The following ARFGEF1 variants were observed in gnomAD, a reference collection of about 807,000 sequenced individuals.
ARFGEF1 encodes brefeldin A-inhibited guanine nucleotide-exchange protein 1.
ARFGEF1 carries 42 observed loss-of-function variants against 231.0 expected under a neutral mutation model. The observed-to-expected ratio is 0.18, with a 90% CI of 0.14 to 0.24. ARFGEF1 has a LOEUF of 0.24. Ranked by LOEUF, ARFGEF1 falls within the 10% of genes least tolerant of loss-of-function variation. The probability of loss-of-function intolerance (pLI) is 1.00; values close to 1 mark genes in which losing one functional copy is unlikely to be tolerated. For missense variants in ARFGEF1, 1,345 were observed against 2,192.0 expected (o/e 0.61, Z 7.72); for synonymous variants, 710 against 732.3 (o/e 0.97, Z 0.49).
chr8:67,204,918 T>TGA, intron 34 of ARFGEF1, 99 bp from the exon 35 acceptor site: 1 of 1,396,074 alleles, frequency 7.2e-7, no homozygotes. Flanking sequence ...CATCAATATG[T>TGA]ATTCACATAT....
intron 10 of ARFGEF1, among the ~76,000 whole-genome samples, chr8:67,271,465 A>G (rs993654354): frequency 2.6e-5 from 4 of 152,226 alleles, no homozygotes; most frequent in African/African-American, 7.2e-5. Flanking sequence ...TTCAACTAGT[A>G]TAAGTTCCTT....
chr8:67,246,127 T>C (rs1840099275), intron 19 of ARFGEF1, among the ~76,000 whole-genome samples: 1 of 150,116 alleles, frequency 6.7e-6, no homozygotes, highest in African/African-American at 2.5e-5. Flanking sequence ...GCAAATATTA[T>C]TAGAGCTAAA....
chr8:67,234,465 A>C (rs1839651100), intron 22 of ARFGEF1, among the ~76,000 whole-genome samples: 1 of 152,162 alleles, frequency 6.6e-6, no homozygotes, highest in Non-Finnish European at 1.5e-5. Context: ...TATGTAGAAA[A>C]GGAAGGAGAA....
intron 19 of ARFGEF1, among the ~76,000 whole-genome samples, chr8:67,248,403 C>T (rs1009589008): frequency 3.3e-5 from 5 of 150,148 alleles, no homozygotes; most frequent in Non-Finnish European, 5.9e-5. Context: ...ACAGTCTCTT[C>T]AATAAACAGT....
At chr8:67,266,393 G>A (rs1420696754) in intron 13 of ARFGEF1, among the ~76,000 whole-genome samples, 186 bp from the exon 14 acceptor site, 3 of 152,104 alleles carry the variant, frequency 2.0e-5, no homozygotes, top group African/African-American at 2.4e-5. Context: ...TAATTTGTAC[G>A]TGTATAGTCT....
chr8:67,292,650 T>C (rs1490348454), intron 5 of ARFGEF1, among the ~76,000 whole-genome samples: 2 of 152,156 alleles, frequency 1.3e-5, no homozygotes, highest in Non-Finnish European at 2.9e-5. Flanking sequence ...AGCCATCTAA[T>C]AATTATGAAA....
At chr8:67,272,565 T>G (rs892048574) in intron 9 of ARFGEF1, among the ~76,000 whole-genome samples, 7 of 152,208 alleles carry the variant, frequency 4.6e-5, no homozygotes, top group Non-Finnish European at 7.3e-5. Context: ...ATATGTTGTG[T>G]TCCTTTCTTT....
downstream of ARFGEF1, among the ~76,000 whole-genome samples, chr8:67,194,238 A>G (rs1837243381): frequency 6.6e-6 from 1 of 152,248 alleles, no homozygotes; most frequent in Non-Finnish European, 1.5e-5. Context: ...ATTGGTAATA[A>G]TAATAGTTTT....
At chr8:67,307,124 A>T (rs1299440117) in intron 1 of ARFGEF1, among the ~76,000 whole-genome samples, 1 of 152,230 alleles carries the variant, frequency 6.6e-6, no homozygotes, top group Non-Finnish European at 1.5e-5. Flanking sequence ...TACACATCCA[A>T]AGCATTGTCT....
intron 33 of ARFGEF1, among the ~76,000 whole-genome samples, chr8:67,213,370 A>G (rs1838817110): frequency 1.3e-5 from 2 of 152,192 alleles, no homozygotes; most frequent in Non-Finnish European, 2.9e-5. Context: ...ATTGTTAGGG[A>G]TAAGTGGGCA....
At chr8:67,226,997 T>A in intron 27 of ARFGEF1, 140 bp downstream of exon 27, 1 of 694,078 alleles carries the variant, frequency 1.4e-6, no homozygotes, top group Non-Finnish European at 2.2e-6. Context: ...ATTTAATTGT[T>A]TTTATTTACT....
At chr8:67,240,538 C>A (rs1839897603) in intron 19 of ARFGEF1, among the ~76,000 whole-genome samples, 1 of 152,084 alleles carries the variant, frequency 6.6e-6, no homozygotes, top group South Asian at 2.1e-4. Context: ...AAATTATTCA[C>A]ATCAATTTAA....
chr8:67,186,922 C>G (rs1205529016), intron 5 of ARFGEF1, among the ~76,000 whole-genome samples: 1 of 152,152 alleles, frequency 6.6e-6, no homozygotes, highest in East Asian at 1.9e-4. Flanking sequence ...CACAATACCA[C>G]TTACATTAGC....
chr8:67,279,533 C>T (rs572327028), intron 7 of ARFGEF1, among the ~76,000 whole-genome samples: 2 of 152,268 alleles, frequency 1.3e-5, no homozygotes, highest in African/African-American at 4.8e-5. Context: ...AGCTCGTGTT[C>T]ATTTTCTTCC....
At chr8:67,199,591 A>C (rs1368138558) in intron 38 of ARFGEF1, 1 of 156,204 alleles carries the variant, frequency 6.4e-6, no homozygotes, top group East Asian at 1.9e-4. Flanking sequence ...TAGTTCCTTC[A>C]TCTCTGAACT....
At position 67,300,660 on chromosome 8, in the gene ARFGEF1, C is replaced by CAAA. The variant is rs200434355; in HGVS notation, c.312+561_312+563dup. ...CAACATGGTGAAACTCTTGTCTCTT[C>CAAA]AAAAAAAAAAAAAAAAAAAAAAAAA... On this transcript the variant is annotated intron_variant, in intron 3 of 38. Coordinates refer to ENST00000262215, the MANE Select transcript of ARFGEF1 (RefSeq NM_006421.5). Among the ~76,000 whole-genome samples the CAAA allele has an allele frequency of 3.9e-4, 35 of 88,652 alleles. 1 individual carries two copies. The highest frequency in any genetic ancestry group is 2.5e-3 in the East Asian group (8 of 3,216). 58.2% of individuals were successfully genotyped at this position (88,652 alleles called of 152,430 possible). A position where few individuals can be genotyped will look rare whatever the true frequency, so the allele number is the denominator to read the frequency against.
At chr8:67,220,219 T>G (rs532606760) in intron 29 of ARFGEF1, among the ~76,000 whole-genome samples, 126 of 152,342 alleles carry the variant, frequency 8.3e-4, no homozygotes, top group African/African-American at 2.9e-3. Context: ...AACTCAAAAC[T>G]TCCGTCTTCA....
intron 1 of ARFGEF1, among the ~76,000 whole-genome samples, chr8:67,323,702 T>A (rs949189409): frequency 1.3e-5 from 2 of 152,216 alleles, no homozygotes; most frequent in African/African-American, 2.4e-5. Flanking sequence ...AAGCTTTCCA[T>A]ATTCAGTGCC....
At chr8:67,233,615 A>C (rs566011301) in intron 22 of ARFGEF1, among the ~76,000 whole-genome samples, 7 of 151,894 alleles carry the variant, frequency 4.6e-5, no homozygotes, top group Non-Finnish European at 8.8e-5. Context: ...TGGCCCTCAT[A>C]ATCTCAGTCC....
Sources: allele counts gnomAD v4.1 joint callset (sites outside exome capture counted in the v4.1 genomes callset), GRCh38; gene constraint gnomAD v4.1.1; transcripts MANE v1.5; gene names NCBI Gene and HGNC (gene_info 2026-07-23, HGNC 2026-07-21).